Variants in QKI observed in about 807,000 individuals in gnomAD.
QKI encodes QKI, KH domain containing RNA binding.
QKI carries 10 observed loss-of-function variants against 39.0 expected under a neutral mutation model. The ratio of observed to expected loss-of-function variants is 0.26; its 90% CI spans 0.16 to 0.43. QKI has a LOEUF of 0.43. QKI is among the 20% of genes least tolerant of loss of function. The pLI, the probability that QKI is intolerant of heterozygous loss-of-function variation, is 1.00. For synonymous variants in QKI, 204 were observed against 155.4 expected, an observed-to-expected ratio of 1.31 and a Z score of -2.33; for missense variants, 218 against 428.0, an observed-to-expected ratio of 0.51 and a Z score of 4.33.
chr6:163,442,773 T>C (rs548939277), intron 1 of QKI, among the ~76,000 whole-genome samples: 1 of 152,246 alleles, frequency 6.6e-6, no homozygotes, highest in South Asian at 2.1e-4. Context: ...GAGTTGGTGA[T>C]AGGATTTCAT....
chr6:163,471,700 G>A (rs1469188455), intron 2 of QKI, among the ~76,000 whole-genome samples: 1 of 151,878 alleles, frequency 6.6e-6, no homozygotes, highest in Middle Eastern at 3.2e-3. Context: ...TTCTTCGTCC[G>A]CCCACATCCA....
intron 2 of QKI, among the ~76,000 whole-genome samples, chr6:163,474,260 A>G (rs775209362): frequency 2.0e-4 from 31 of 152,294 alleles, no homozygotes; most frequent in Admixed American, 1.2e-3. Flanking sequence ...GAAATTTGGA[A>G]CAAGTCAAGG....
chr6:163,564,851 C>T (rs2128251123), intron 6 of QKI: 1 of 1,471,518 alleles, frequency 6.8e-7, no homozygotes, highest in Non-Finnish European at 9.0e-7. Context: ...GACCTTGGTG[C>T]TGCATGCATG....
chr6:163,478,280 G>A (rs1792782765), intron 2 of QKI, among the ~76,000 whole-genome samples: 1 of 152,166 alleles, frequency 6.6e-6, no homozygotes, highest in Admixed American at 6.5e-5. Context: ...CCAACCCATA[G>A]TTTTCGTAAC....
At chr6:163,539,072 A>G (rs1012404039) in intron 4 of QKI, among the ~76,000 whole-genome samples, 2 of 152,232 alleles carry the variant, frequency 1.3e-5, no homozygotes, top group South Asian at 2.1e-4. Context: ...GACTGGATGT[A>G]TCATCAAGAA....
At chr6:163,543,951 GACTT>G (rs1187921370) in intron 4 of QKI, among the ~76,000 whole-genome samples, 2 of 151,972 alleles carry the variant, frequency 1.3e-5, no homozygotes, top group African/African-American at 4.8e-5. Flanking sequence ...ACCAGATACT[GACTT>G]TAATTTTACT....
chr6:163,552,384 A>G (rs1306246402), intron 4 of QKI, among the ~76,000 whole-genome samples: 2 of 151,580 alleles, frequency 1.3e-5, no homozygotes, highest in African/African-American at 2.4e-5. Context: ...AATTTTTTGT[A>G]TTTTTTGACT....
chr6:163,538,915 A>T (rs1397336705), intron 4 of QKI, among the ~76,000 whole-genome samples: 1 of 152,222 alleles, frequency 6.6e-6, no homozygotes, highest in Non-Finnish European at 1.5e-5. Flanking sequence ...TTGGGAGGAA[A>T]GTCAAAAAAT....
At chr6:163,468,333 T>C (rs1791932091) in intron 2 of QKI, among the ~76,000 whole-genome samples, 1 of 152,172 alleles carries the variant, frequency 6.6e-6, no homozygotes, top group African/African-American at 2.4e-5. Context: ...ACTTGGTCTC[T>C]CCCCTTGTCC....
In QKI at chr6:163,572,013, A is replaced by AT. The variant is rs1783723990; in HGVS notation, c.*1308dup. The AT allele has an allele frequency of 6.6e-6, 1 of 152,156 alleles. No individual in the cohort carries two copies. Among genetic ancestry groups the AT allele is most frequent in the South Asian group, 2.1e-4 (1 of 4,832 alleles). 9.4% of individuals were successfully genotyped at this position (152,156 alleles called of 1,614,324 possible). ...ATGAGTTGATAGTTTGAATTATAGG[A>AT]TTTTTGCCACGTTACCTTGATGCAA... On this transcript the variant is annotated 3_prime_UTR_variant, in exon 8 of 8. Transcript: ENST00000361752.
intron 6 of QKI, 134 bp from the exon 7 acceptor site, chr6:163,566,587 T>A: frequency 1.3e-6 from 2 of 1,523,446 alleles, no homozygotes; most frequent in Non-Finnish European, 1.8e-6. Context: ...TTAAAACTAC[T>A]GTGCCTTAAC....
At chr6:163,496,394 TAAG>T (rs1481880596) in intron 3 of QKI, among the ~76,000 whole-genome samples, 3 of 56,130 alleles carry the variant, frequency 5.3e-5, no homozygotes, top group Non-Finnish European at 1.1e-4. Context: ...AATGAAGCAT[TAAG>T]GAGGAGGTAA....
chr6:163,566,661 T>G, intron 6 of QKI, 60 bp from the exon 7 acceptor site: 2 of 1,594,290 alleles, frequency 1.3e-6, no homozygotes, highest in Non-Finnish European at 1.7e-6. Context: ...CTGCTGTTAA[T>G]GTTTTTTCCC....
intron 1 of QKI, among the ~76,000 whole-genome samples, chr6:163,417,788 G>T (rs1787647483): frequency 6.6e-6 from 1 of 152,142 alleles, no homozygotes; most frequent in African/African-American, 2.4e-5. Flanking sequence ...GATTGCTTCT[G>T]TGTGGCATAT....
At chr6:163,424,938 T>G (rs548161650) in intron 1 of QKI, among the ~76,000 whole-genome samples, 1 of 152,316 alleles carries the variant, frequency 6.6e-6, no homozygotes, top group African/African-American at 2.4e-5. Context: ...GCCTGCGTCA[T>G]CTGCTTTCTA....
At chr6:163,487,310 T>A (rs1777744556) in intron 3 of QKI, among the ~76,000 whole-genome samples, 1 of 152,116 alleles carries the variant, frequency 6.6e-6, no homozygotes, top group Non-Finnish European at 1.5e-5. Context: ...ACTCTCTCAT[T>A]CCCCATTGCC....
At chr6:163,502,599 C>T (rs1778842665) in intron 3 of QKI, among the ~76,000 whole-genome samples, 1 of 152,088 alleles carries the variant, frequency 6.6e-6, no homozygotes, top group Non-Finnish European at 1.5e-5. Context: ...TAGGTTGAAT[C>T]TAAGAGAAAA....
chr6:163,531,111 T>A (rs924495194), intron 3 of QKI, among the ~76,000 whole-genome samples: 3 of 152,194 alleles, frequency 2.0e-5, no homozygotes, highest in African/African-American at 7.2e-5. Context: ...TGCTCTCATG[T>A]TTTTAGTTGC....
intron 7 of QKI, chr6:163,569,433 CT>C: frequency 7.8e-7 from 1 of 1,275,686 alleles, no homozygotes; most frequent in Non-Finnish European, 1.0e-6. Flanking sequence ...TCTCCTCTGC[CT>C]TAGTCACAAT....
Sources: allele counts gnomAD v4.1 joint callset (sites outside exome capture counted in the v4.1 genomes callset), GRCh38; gene constraint gnomAD v4.1.1; transcripts MANE v1.5; gene names NCBI Gene and HGNC (gene_info 2026-07-23, HGNC 2026-07-21).